The following SMG1 variants were observed in gnomAD, a reference collection of about 807,000 sequenced individuals.
The protein encoded by SMG1 is serine/threonine-protein kinase SMG1.
Under a neutral mutation model 419.9 loss-of-function variants are expected in SMG1, and 22 were observed. The observed-to-expected ratio is 0.05, with a 90% confidence interval of 0.04 to 0.07. The LOEUF is 0.07. Ranked by LOEUF, SMG1 falls within the 10% of genes least tolerant of loss-of-function variation. SMG1 has a pLI of 1.00. For missense variants in SMG1, 3,185 were observed against 4,342.0 expected (o/e 0.73, Z 7.49); for synonymous variants, 1,538 against 1,553.5 (o/e 0.99, Z 0.23).
At chr16:18,875,778 G>A in intron 13 of SMG1, 1 of 338,890 alleles carries the variant, frequency 3.0e-6, no homozygotes, top group South Asian at 5.2e-5. Context: ...AGAAGAAAGA[G>A]ACCGCATTTT....
At position 18,858,152 on chromosome 16, in the gene SMG1, G is replaced by GA. The variant is rs200657128; in HGVS notation, c.4234+17dup. On this transcript the variant is annotated intron_variant, in intron 29 of 62. Coordinates refer to ENST00000446231, the MANE Select transcript of SMG1 (RefSeq NM_015092.5). ...GAACACCTTTAATTTTCTCTTACAA[G>GA]AAAAAAAAACCACTTACCTTTAATT... 6.0e-4 allele frequency: 891 copies of GA among 1,492,610 alleles called. No individual in the cohort carries two copies. The highest frequency in any genetic ancestry group is 1.5e-3 in the East Asian group (58 of 39,580). The allele number at this position is 1,492,610 out of a possible 1,614,324, so 92.5% of individuals were successfully genotyped here. A position where few individuals can be genotyped will look rare whatever the true frequency, so the allele number is the denominator to read the frequency against.
chr16:18,827,486 T>C (rs2032791700), intron 55 of SMG1, among the ~76,000 whole-genome samples: 1 of 144,452 alleles, frequency 6.9e-6, no homozygotes, highest in African/African-American at 2.6e-5. Flanking sequence ...ATATATTTGG[T>C]ATAAATATAC....
chr16:18,817,896 G>C (rs574719324), intron 56 of SMG1, among the ~76,000 whole-genome samples: 6 of 152,068 alleles, frequency 3.9e-5, no homozygotes, highest in Admixed American at 6.6e-5. Flanking sequence ...TAATATTGTG[G>C]TTAGTTTTTT....
At chr16:18,817,233 G>A in intron 57 of SMG1, 58 bp downstream of exon 57, 2 of 1,359,672 alleles carry the variant, frequency 1.5e-6, no homozygotes, top group Non-Finnish European at 2.0e-6. Flanking sequence ...ATATTAAATT[G>A]ATTTTAATAG....
At chr16:18,853,322 T>C (rs1002761689) in intron 31 of SMG1, among the ~76,000 whole-genome samples, 2 of 152,194 alleles carry the variant, frequency 1.3e-5, no homozygotes, top group East Asian at 3.8e-4. Context: ...GTGAAATTTT[T>C]TGATATGAGG....
chr16:18,873,364 C>T (rs533687869), intron 13 of SMG1, among the ~76,000 whole-genome samples: 2 of 152,050 alleles, frequency 1.3e-5, no homozygotes, highest in Non-Finnish European at 1.5e-5. Flanking sequence ...GGATTACAGG[C>T]GCCCATCACC....
rs367683864 is a variant in SMG1, at chr16:18,926,156, A to AAGGAGGAGG, written c.-124_-116dup. ...GCCCGGGGCTGAGGAGGAAGCCGAG[A>AAGGAGGAGG]AGGAGGAGGAGGAGGAGGAGGAGGA... On this transcript the variant is annotated 5_prime_UTR_variant, in exon 1 of 63. Transcript: ENST00000446231. 64 of 674,870 alleles carry AAGGAGGAGG rather than the reference A, an allele frequency of 9.5e-5. No individual in the cohort carries two copies. The highest frequency in any genetic ancestry group is 4.9e-4 in the African/African-American group (25 of 51,542). The allele number at this position is 674,870 out of a possible 1,614,324, so 41.8% of individuals were successfully genotyped here. A position where few individuals can be genotyped will look rare whatever the true frequency, so the allele number is the denominator to read the frequency against.
In SMG1 at chr16:18,841,670, T is replaced by G. The variant is rs748343000; in HGVS notation, c.6591A>C (p.Pro2197=). 6.2e-7 allele frequency: 1 copy of G among 1,613,870 alleles called. No homozygotes were observed. The highest frequency in any genetic ancestry group is 1.1e-5 in the South Asian group (1 of 91,092). Residue 2197 remains proline (P), a synonymous_variant, in exon 41 of 63, where the codon CCA becomes CCC. Coordinates refer to ENST00000446231, the MANE Select transcript of SMG1 (RefSeq NM_015092.5). ...RFHARHYSVT[P]LGTRSGLIQW... Reference sequence around the variant, plus strand: ...GGATTAGTCCTGATCTTGTTCCTAGTGGTGTTACAGAATAGTGTCGAGCAT... The same window carrying G: ...GGATTAGTCCTGATCTTGTTCCTAGGGGTGTTACAGAATAGTGTCGAGCAT...
rs770907406 is a variant in SMG1, at chr16:18,830,138, A to T, written c.8944-23T>A. On this transcript the variant is annotated intron_variant, in intron 52 of 62. Coordinates refer to ENST00000446231, the MANE Select transcript of SMG1 (RefSeq NM_015092.5). Reference sequence around the variant, plus strand: ...CAACTATGTAAATGAAAGAAAACAAAGTTCATTTCTCCACTCTTGACACAA... The same window carrying T: ...CAACTATGTAAATGAAAGAAAACAATGTTCATTTCTCCACTCTTGACACAA... 12 of 1,600,342 alleles carry T rather than the reference A, an allele frequency of 7.5e-6. No homozygotes were observed. The Admixed American group carries it at 1.9e-4, about 25-fold the overall frequency.
intron 40 of SMG1, among the ~76,000 whole-genome samples, 188 bp from the exon 41 acceptor site, chr16:18,841,982 C>A (rs2033952364): frequency 6.6e-6 from 1 of 152,188 alleles, no homozygotes; most frequent in African/African-American, 2.4e-5. Flanking sequence ...CTGTACCTCA[C>A]TTGTCCTGCT....
chr16:18,852,545 G>A (rs2034659897), intron 31 of SMG1, 83 bp from the exon 32 acceptor site: 3 of 1,231,012 alleles, frequency 2.4e-6, no homozygotes, highest in East Asian at 2.8e-5. Flanking sequence ...ATTTCCATTA[G>A]CATTTTAGGT....
In SMG1 at chr16:18,892,109, C is replaced by T. The variant is rs530096916; in HGVS notation, c.549+109G>A. On this transcript the variant is annotated intron_variant, in intron 4 of 62. Transcript: ENST00000446231. ...TACATATTAGAGAGCATTAAGTTCT[C>T]GATCATCATAATACAGACTTTCCCC... The T allele has an allele frequency of 2.3e-4, 191 of 824,430 alleles. No homozygotes were observed. In the African/African-American group the frequency reaches 2.6e-3, roughly 11 times the overall value. The allele number at this position is 824,430 out of a possible 1,614,324, so 51.1% of individuals were successfully genotyped here.
Position 18,841,716 on chromosome 16 carries a change from C to A in SMG1, c.6545G>T (p.Arg2182Leu), listed in dbSNP as rs565896040. Residue 2182 changes from arginine (R) to leucine (L), a missense_variant, in exon 41 of 63, where the codon CGC becomes CTC. By Grantham distance (102) the Arg-to-Leu change is moderately radical. This residue lies in a region of SMG1 where 35 missense variants were observed against 33.8 expected (regional missense o/e 1.04). Transcript: ENST00000446231. The stretch of plus-strand genomic sequence containing the variant: ...AGCATGGAACCGGGGTGTTTCTTGG[C>A]GATTAATTGTAGCAAACATGGTATT... Reference protein sequence around the residue: ...IVNTMFATINRQETPRFHARH... With the variant: ...IVNTMFATINLQETPRFHARH... The A allele has an allele frequency of 1.2e-6, 2 of 1,613,804 alleles. No homozygotes were observed. The highest frequency in any genetic ancestry group is 1.1e-5 in the South Asian group (1 of 91,068).
intron 18 of SMG1, 132 bp from the exon 19 acceptor site, chr16:18,870,126 A>T: frequency 1.6e-6 from 1 of 614,444 alleles, no homozygotes; most frequent in Non-Finnish European, 2.8e-6. Flanking sequence ...TCAAATGGAT[A>T]CAGAGATGTG....
At chr16:18,877,072 T>A in intron 12 of SMG1, 59 bp downstream of exon 12, 6 of 1,233,988 alleles carry the variant, frequency 4.9e-6, no homozygotes, top group Non-Finnish European at 5.7e-6. Context: ...GTAAGCAACA[T>A]TAGGTCCAAC....
At chr16:18,912,269 T>C (rs769367941) in intron 1 of SMG1, among the ~76,000 whole-genome samples, 13 of 151,584 alleles carry the variant, frequency 8.6e-5, no homozygotes, top group Admixed American at 4.6e-4. Context: ...ACAGGGTGGC[T>C]ATAGTAAATA....
chr16:18,912,704 T>C (rs939514486), intron 1 of SMG1, among the ~76,000 whole-genome samples: 8 of 152,116 alleles, frequency 5.3e-5, no homozygotes, highest in African/African-American at 1.7e-4. Context: ...ATTTATAATT[T>C]TAGTATTCTC....
rs1262365817 is a variant in SMG1, at chr16:18,805,829, CTAATTT to C, written c.*3734_*3739del. ...AAAATTGAACACTGGTTTTCATACTCTAATTTTATGTAAAACAAAGATGCTTAAATG... is the reference window on the plus strand; with the variant it reads ...AAAATTGAACACTGGTTTTCATACTCTATGTAAAACAAAGATGCTTAAATG... On this transcript the variant is annotated 3_prime_UTR_variant, in exon 63 of 63. Coordinates refer to ENST00000446231, the MANE Select transcript of SMG1 (RefSeq NM_015092.5). 1.3e-5 allele frequency: 2 copies of C among 152,250 alleles called. No homozygotes were observed. The highest frequency in any genetic ancestry group is 2.9e-5 in the Non-Finnish European group (2 of 68,018). 9.4% of individuals were successfully genotyped at this position (152,250 alleles called of 1,614,324 possible).
Position 18,896,249 on chromosome 16 carries a change from G to A in SMG1, c.257-42C>T, listed in dbSNP as rs199721400. On this transcript the variant is annotated intron_variant, in intron 2 of 62. Transcript: ENST00000446231. ...GTACGTTATTTAAATATGATTGTTC[G>A]TTTCATTCAGTCAATTTCCTGATAG... is the stretch of plus-strand genomic sequence containing the variant. The A allele has an allele frequency of 6.9e-4, 875 of 1,261,996 alleles. 1 individual carries two copies. The highest frequency in any genetic ancestry group is 7.9e-4 in the Non-Finnish European group (682 of 863,990). The allele number at this position is 1,261,996 out of a possible 1,614,324, so 78.2% of individuals were successfully genotyped here.
Sources: gnomAD v4.1 joint callset for allele counts (sites outside exome capture counted in the v4.1 genomes callset) on GRCh38, gnomAD v4.1.1 for gene constraint, gnomAD v4.1.1 regional missense constraint, MANE v1.5 for transcripts, NCBI Gene and HGNC (gene_info 2026-07-23, HGNC 2026-07-21) for gene names.